ARIH1: variants seen among roughly 807,000 people sequenced by gnomAD.
ARIH1 encodes the protein ariadne RBR E3 ubiquitin protein ligase 1.
In ARIH1, 8 loss-of-function variants were observed where a neutral mutation model predicts 85.0. The ratio of observed to expected loss-of-function variants is 0.09; its 90% CI spans 0.06 to 0.17. The LOEUF is 0.17. Among genes scored for constraint, ARIH1 ranks in the 10% least tolerant of loss-of-function variants. The pLI, the probability that ARIH1 is intolerant of heterozygous loss-of-function variation, is 1.00. For missense variants in ARIH1, 311 were observed against 718.1 expected (o/e 0.43, Z 6.48); for synonymous variants, 238 against 253.6 (o/e 0.94, Z 0.59).
At chr15:72,487,294 T>G (rs1325373561) in intron 1 of ARIH1, among the ~76,000 whole-genome samples, 1 of 152,194 alleles carries the variant, frequency 6.6e-6, no homozygotes, top group African/African-American at 2.4e-5. Flanking sequence ...AGGCTTGCTT[T>G]GCCATTGCCT....
At chr15:72,542,150 T>G (rs2064110014) in intron 2 of ARIH1, among the ~76,000 whole-genome samples, 1 of 152,196 alleles carries the variant, frequency 6.6e-6, no homozygotes, top group Non-Finnish European at 1.5e-5. Context: ...ATGGAAACAA[T>G]TTAAAGGTGA....
rs555899856 is a variant in ARIH1, at chr15:72,559,674, C to T, written c.738-1809C>T. On this transcript the variant is annotated intron_variant, in intron 5 of 13. Coordinates refer to ENST00000379887, the MANE Select transcript of ARIH1 (RefSeq NM_005744.5). ...CAGACTATTTTAATCACCTTATATC[C>T]GTTAAGCAGTCATTCGCTATTCCTT... is the stretch of plus-strand genomic sequence containing the variant. 2.6e-5 allele frequency among the ~76,000 whole-genome samples: 4 copies of T among 152,232 alleles called. No individual in the cohort carries two copies. In the South Asian group the frequency reaches 6.2e-4, roughly 24 times the overall value.
intron 3 of ARIH1, among the ~76,000 whole-genome samples, chr15:72,548,160 G>C (rs554082838): frequency 3.3e-5 from 5 of 152,240 alleles, no homozygotes; most frequent in Admixed American, 6.5e-5. Flanking sequence ...CTTTGGTAGG[G>C]CAAATATAAG....
At chr15:72,500,106 T>A (rs1228074830) in intron 1 of ARIH1, among the ~76,000 whole-genome samples, 5 of 152,138 alleles carry the variant, frequency 3.3e-5, no homozygotes, top group Non-Finnish European at 7.4e-5. Flanking sequence ...CTCTCTTTTT[T>A]TTTTTTGAGT....
intron 1 of ARIH1, among the ~76,000 whole-genome samples, chr15:72,509,009 T>G (rs950211060): frequency 9.3e-5 from 14 of 150,082 alleles, no homozygotes; most frequent in African/African-American, 3.4e-4. Flanking sequence ...TTTTTTTTTT[T>G]GAGACTGAGT....
intron 1 of ARIH1, among the ~76,000 whole-genome samples, chr15:72,487,597 A>G (rs2063842566): frequency 6.6e-6 from 1 of 151,644 alleles, no homozygotes; most frequent in Admixed American, 6.6e-5. Context: ...TCTGAGAACC[A>G]TTCTTGGGAT....
chr15:72,526,150 A>T (rs1214983063), intron 2 of ARIH1, among the ~76,000 whole-genome samples: 3 of 152,116 alleles, frequency 2.0e-5, no homozygotes, highest in African/African-American at 7.2e-5. Context: ...CCTTATTTCG[A>T]TATATTTAAA....
At chr15:72,531,910 A>G (rs1283151281) in intron 2 of ARIH1, among the ~76,000 whole-genome samples, 1 of 152,172 alleles carries the variant, frequency 6.6e-6, no homozygotes, top group Non-Finnish European at 1.5e-5. Flanking sequence ...AGTTTCAAAT[A>G]CTCATAATTG....
chr15:72,514,568 C>T (rs764722580), intron 1 of ARIH1, among the ~76,000 whole-genome samples: 20 of 151,632 alleles, frequency 1.3e-4, no homozygotes, highest in Admixed American at 7.9e-4. Context: ...TAGCTGGGCA[C>T]GGTGGTGCAT....
At chr15:72,487,929 ACCCC>A in intron 1 of ARIH1, among the ~76,000 whole-genome samples, 1 of 150,902 alleles carries the variant, frequency 6.6e-6, no homozygotes. Context: ...ATCCCTTATC[ACCCC>A]CAGTTGCACT....
intron 3 of ARIH1, among the ~76,000 whole-genome samples, chr15:72,549,386 C>T (rs770413347): frequency 1.3e-5 from 2 of 152,220 alleles, no homozygotes; most frequent in South Asian, 2.1e-4. Context: ...CCACGGCCAG[C>T]CAGTGTCTCA....
intron 1 of ARIH1, among the ~76,000 whole-genome samples, chr15:72,482,956 T>G (rs375141302): frequency 2.6e-5 from 4 of 151,244 alleles, no homozygotes; most frequent in South Asian, 4.2e-4. Context: ...TCCTCTTACC[T>G]CAGCCTCCTG....
Position 72,543,767 on chromosome 15 carries a change from G to T in ARIH1, c.444-1053G>T, listed in dbSNP as rs79654957. Among the ~76,000 whole-genome samples the T allele has an allele frequency of 7.0e-3, 1,067 of 151,974 alleles. 35 individuals are homozygous for T. The highest frequency in any genetic ancestry group is 0.055 in the Admixed American group (840 of 15,248). ...AAGAGCATTATAGTTACTGTAATCT[G>T]GGCTTTACAACCCAAAAAGTAATTG... On this transcript the variant is annotated intron_variant, in intron 2 of 13. Transcript: ENST00000379887.
At chr15:72,482,421 T>G (rs1382326104) in intron 1 of ARIH1, among the ~76,000 whole-genome samples, 1 of 152,158 alleles carries the variant, frequency 6.6e-6, no homozygotes, top group Admixed American at 6.6e-5. Context: ...GAGACCTCTG[T>G]AGGTGTTGTC....
chr15:72,507,837 T>A (rs756220927), intron 1 of ARIH1, among the ~76,000 whole-genome samples: 4 of 152,186 alleles, frequency 2.6e-5, no homozygotes, highest in Non-Finnish European at 4.4e-5. Context: ...AATGCAAAAC[T>A]TTAAAGTAAA....
intron 11 of ARIH1, 87 bp downstream of exon 11, chr15:72,572,252 T>A: frequency 9.4e-7 from 1 of 1,063,188 alleles, no homozygotes; most frequent in East Asian, 2.5e-5. Flanking sequence ...TTTTTTTTTT[T>A]TTTGAGACAG....
intron 1 of ARIH1, among the ~76,000 whole-genome samples, chr15:72,489,843 G>A (rs1273313408): frequency 6.6e-6 from 1 of 152,142 alleles, no homozygotes. Flanking sequence ...TTTGTTATAT[G>A]TTGGCACCTC....
chr15:72,482,724 T>C (rs1182953548), intron 1 of ARIH1, among the ~76,000 whole-genome samples: 2 of 152,154 alleles, frequency 1.3e-5, no homozygotes, highest in Non-Finnish European at 2.9e-5. Flanking sequence ...GGATCTGTTA[T>C]ATCATAGTTT....
At chr15:72,520,608 C>T (rs796470841) in intron 2 of ARIH1, among the ~76,000 whole-genome samples, 6 of 152,064 alleles carry the variant, frequency 3.9e-5, no homozygotes, top group African/African-American at 1.4e-4. Flanking sequence ...ATTCTGTTGG[C>T]CTCATCAGAT....
Sources: allele counts gnomAD v4.1 joint callset (sites outside exome capture counted in the v4.1 genomes callset), GRCh38; gene constraint gnomAD v4.1.1; transcripts MANE v1.5; gene names NCBI Gene and HGNC (gene_info 2026-07-23, HGNC 2026-07-21).